ZC3H6: variants seen among roughly 807,000 people sequenced by gnomAD.
The protein encoded by ZC3H6 is zinc finger CCCH-type containing 6, also known as zinc finger CCCH domain-containing protein 6.
A neutral mutation model predicts 107.7 loss-of-function variants in ZC3H6; 40 were observed. That is an observed-to-expected ratio of 0.37 (90% CI 0.29 to 0.48). The LOEUF (loss-of-function observed/expected upper bound fraction) is 0.48, where lower values mean the gene tolerates loss of function less well. ZC3H6 is among the 20% of genes least tolerant of loss of function. The pLI is 0.98. For missense variants in ZC3H6, 1,267 were observed against 1,410.4 expected (o/e 0.90, Z 1.63); for synonymous variants, 493 against 487.9 (o/e 1.01, Z -0.14).
At chr2:112,278,758 T>C (rs1039300523) in intron 1 of ZC3H6, among the ~76,000 whole-genome samples, 2 of 152,250 alleles carry the variant, frequency 1.3e-5, no homozygotes, top group African/African-American at 4.8e-5. Context: ...AATGAGATTC[T>C]AAATGTAAAT....
rs1266948501 is a variant in ZC3H6, at chr2:112,335,276, C to A, written c.*2788C>A. ...CCAAATTAGGCTGCAACCGAAAGAG[C>A]CTAATTGTGAAATGATGTGCGCTTA... On this transcript the variant is annotated 3_prime_UTR_variant, in exon 12 of 12. Coordinates refer to ENST00000409871, the MANE Select transcript of ZC3H6 (RefSeq NM_198581.3). 1 of 152,144 alleles carries A rather than the reference C, an allele frequency of 6.6e-6. No homozygotes were observed. Among genetic ancestry groups the A allele is most frequent in the Non-Finnish European group, 1.5e-5 (1 of 68,020 alleles). The allele number at this position is 152,144 out of a possible 1,614,324, so 9.4% of individuals were successfully genotyped here.
Position 112,337,941 on chromosome 2 carries a change from T to C in ZC3H6, c.*5453T>C, listed in dbSNP as rs1677162554. The C allele has an allele frequency of 6.8e-6, 1 of 146,848 alleles. No homozygotes were observed. 9.1% of individuals were successfully genotyped at this position (146,848 alleles called of 1,614,324 possible). ...CTGGCCCAGTCTTTTTTTTTAATTATTATTTATTTTTATTTATTTATTTTT... is the reference window on the plus strand; with the variant it reads ...CTGGCCCAGTCTTTTTTTTTAATTACTATTTATTTTTATTTATTTATTTTT... On this transcript the variant is annotated 3_prime_UTR_variant, in exon 12 of 12. Transcript: ENST00000409871.
intron 1 of ZC3H6, among the ~76,000 whole-genome samples, chr2:112,285,079 A>G (rs1462469291): frequency 6.6e-6 from 1 of 152,230 alleles, no homozygotes; most frequent in African/African-American, 2.4e-5. Flanking sequence ...TAAAGTTTTT[A>G]TAATTGTCAT....
Position 112,308,909 on chromosome 2 carries a change from G to A in ZC3H6, c.337-976G>A, listed in dbSNP as rs996106879. Reference sequence around the variant, plus strand: ...TCTACTAAATATACAAAAATTAGCCGGGCATGTTGGTGCGCGCCTGTAATC... The same window carrying A: ...TCTACTAAATATACAAAAATTAGCCAGGCATGTTGGTGCGCGCCTGTAATC... On this transcript the variant is annotated intron_variant, in intron 3 of 11. Transcript: ENST00000409871. Among the ~76,000 whole-genome samples, 7 of 151,258 alleles carry A rather than the reference G, an allele frequency of 4.6e-5. No homozygotes were observed. In the South Asian group the frequency reaches 6.3e-4, roughly 14 times the overall value.
At chr2:112,279,569 G>C (rs574886044) in intron 1 of ZC3H6, among the ~76,000 whole-genome samples, 2 of 151,846 alleles carry the variant, frequency 1.3e-5, no homozygotes, top group Admixed American at 6.6e-5. Flanking sequence ...CCCTTCCCTC[G>C]CAGCTTTCTG....
chr2:112,279,427 C>T (rs1373292648), intron 1 of ZC3H6, among the ~76,000 whole-genome samples: 1 of 152,174 alleles, frequency 6.6e-6, no homozygotes, highest in Non-Finnish European at 1.5e-5. Context: ...AGGGCTTGTA[C>T]TGGGGAAAAA....
chr2:112,288,985 ACTGCCCACCC>A (rs373028059), intron 1 of ZC3H6, among the ~76,000 whole-genome samples: 16 of 140,832 alleles, frequency 1.1e-4, no homozygotes, highest in African/African-American at 2.7e-4. Flanking sequence ...TCCTCTTCTC[ACTGCCCACCC>A]CCCCGCCACC....
chr2:112,331,728 A>G lies in ZC3H6; in HGVS notation c.2810A>G (p.Lys937Arg). 3 of 1,613,926 alleles carry G rather than the reference A, an allele frequency of 1.9e-6. No homozygotes were observed. The highest frequency in any genetic ancestry group is 1.7e-6 in the Non-Finnish European group (2 of 1,179,884). The change falls in exon 12 of 12, where the codon AAA becomes AGA. Residue 937 changes from lysine to arginine, a missense_variant. Transcript: ENST00000409871. ...SIDPKLAAKA[K>R]INTTNREGYL... ...GATCCAAAATTAGCAGCCAAAGCCA[A>G]AATTAACACAACAAACAGAGAAGGC...
Position 112,301,163 on chromosome 2 carries a change from C to A in ZC3H6, c.213+1134C>A, listed in dbSNP as rs1383644557. On this transcript the variant is annotated intron_variant, in intron 2 of 11. Transcript: ENST00000409871. Reference sequence around the variant, plus strand: ...GTGCCCAGCACGGAAACCTCATGGGCCTGAGAACAGCAACAGAAACTGGGA... The same window carrying A: ...GTGCCCAGCACGGAAACCTCATGGGACTGAGAACAGCAACAGAAACTGGGA... 2.6e-5 allele frequency among the ~76,000 whole-genome samples: 4 copies of A among 152,168 alleles called. No homozygotes were observed. The East Asian group carries it at 7.7e-4, about 29-fold the overall frequency.
Position 112,331,276 on chromosome 2 carries a change from G to A in ZC3H6, c.2358G>A (p.Arg786=), listed in dbSNP as rs372753104. Residue 786 remains arginine, a synonymous_variant, in exon 12 of 12, where the codon AGG becomes AGA. Coordinates refer to ENST00000409871, the MANE Select transcript of ZC3H6 (RefSeq NM_198581.3). ...PLDLRLAWDP[R]KLRGNGSGHI... ...ATCTTAGACTTGCGTGGGATCCCAG[G>A]AAATTGAGAGGGAATGGAAGTGGTC... is the stretch of plus-strand genomic sequence containing the variant. 1.0e-4 allele frequency: 164 copies of A among 1,613,716 alleles called. 1 individual carries two copies. In the East Asian group the frequency reaches 2.6e-3, roughly 26 times the overall value.
Position 112,324,177 on chromosome 2 carries a change from TCAC to T in ZC3H6, c.1372_1374del (p.Pro458del). The T allele has an allele frequency of 1.3e-6, 2 of 1,587,270 alleles. No individual in the cohort carries two copies. Among genetic ancestry groups the T allele is most frequent in the Non-Finnish European group, 1.7e-6 (2 of 1,159,276 alleles). Reference sequence around the variant, plus strand: ...GCCACCAGCATTTTATACCAGTGCCTCACCACCAGGACCACAATTTCAGGGAAG... The same window carrying T: ...GCCACCAGCATTTTATACCAGTGCCTCACCAGGACCACAATTTCAGGGAAG... On this transcript the variant is annotated inframe_deletion, in exon 10 of 12. Coordinates refer to ENST00000409871, the MANE Select transcript of ZC3H6 (RefSeq NM_198581.3).
chr2:112,286,731 C>T (rs1361111469), intron 1 of ZC3H6, among the ~76,000 whole-genome samples: 5 of 152,176 alleles, frequency 3.3e-5, no homozygotes, highest in Non-Finnish European at 7.3e-5. Flanking sequence ...GACACTGTGC[C>T]TGGACAGATT....
At chr2:112,286,485 T>A (rs900476554) in intron 1 of ZC3H6, 3 of 154,698 alleles carry the variant, frequency 1.9e-5, no homozygotes, top group African/African-American at 7.2e-5. Context: ...TCTTCCAGAC[T>A]GGAGTGCAGT....
intron 1 of ZC3H6, among the ~76,000 whole-genome samples, chr2:112,291,692 T>C (rs1676122843): frequency 6.6e-6 from 1 of 152,100 alleles, no homozygotes; most frequent in South Asian, 2.1e-4. Context: ...AAAATAAAGC[T>C]TATTACATGT....
Position 112,276,022 on chromosome 2 carries a change from G to A in ZC3H6, c.28G>A (p.Asp10Asn), listed in dbSNP as rs968173197. Residue 10 changes from aspartate (D) to asparagine (N), a missense_variant, in exon 1 of 12, where the codon GAC becomes AAC. By Grantham distance (23) the Asp-to-Asn change is conservative (BLOSUM62 1). Coordinates refer to ENST00000409871, the MANE Select transcript of ZC3H6 (RefSeq NM_198581.3). MTDSEHAGH[D>N]REDGELEDGE... ...GACAGACTCTGAACATGCAGGGCAC[G>A]ACAGGTCGGGAACCCTTCTTGTCTG... 3.2e-6 allele frequency: 5 copies of A among 1,542,376 alleles called. No individual in the cohort carries two copies. The Admixed American group carries it at 6.0e-5, about 18-fold the overall frequency.
At chr2:112,300,234 G>A (rs1032954640) in intron 2 of ZC3H6, among the ~76,000 whole-genome samples, 4 of 149,468 alleles carry the variant, frequency 2.7e-5, no homozygotes, top group African/African-American at 4.9e-5. Context: ...TTTTTTTTGA[G>A]ATAGGGTCTA....
intron 11 of ZC3H6, among the ~76,000 whole-genome samples, chr2:112,325,657 C>G: frequency 6.6e-6 from 1 of 152,020 alleles, no homozygotes; most frequent in East Asian, 1.9e-4. Context: ...AGTAATTAAG[C>G]CTTTTGCTTT....
chr2:112,319,560 C>T (rs1322485876), intron 7 of ZC3H6, among the ~76,000 whole-genome samples: 1 of 151,878 alleles, frequency 6.6e-6, no homozygotes, highest in Non-Finnish European at 1.5e-5. Flanking sequence ...GCAGGAGAAT[C>T]GCTTGAACCT....
At chr2:112,280,928 G>T (rs1686514710) in intron 1 of ZC3H6, among the ~76,000 whole-genome samples, 1 of 152,100 alleles carries the variant, frequency 6.6e-6, no homozygotes, top group Non-Finnish European at 1.5e-5. Context: ...ACTACCTGGG[G>T]GATAGGAGGA....
Sources: allele counts gnomAD v4.1 joint callset (sites outside exome capture counted in the v4.1 genomes callset), GRCh38; gene constraint gnomAD v4.1.1; transcripts MANE v1.5; gene names NCBI Gene and HGNC (gene_info 2026-07-23, HGNC 2026-07-21).